UTP20: variants seen among roughly 807,000 people sequenced by gnomAD.
UTP20 encodes the protein small subunit processome component 20 homolog.
A neutral mutation model predicts 329.5 loss-of-function variants in UTP20; 164 were observed. The observed-to-expected ratio is 0.50, with a 90% CI of 0.44 to 0.57. UTP20 has a LOEUF of 0.57. UTP20 is among the 20% of genes least tolerant of loss of function. The pLI is 0.00. For synonymous variants in UTP20, 1,151 were observed against 1,159.3 expected, an observed-to-expected ratio of 0.99 and a Z score of 0.14; for missense variants, 3,055 against 3,284.2, an observed-to-expected ratio of 0.93 and a Z score of 1.71.
At chr12:101,308,810 G>C (rs1872705857) in intron 18 of UTP20, among the ~76,000 whole-genome samples, 1 of 150,792 alleles carries the variant, frequency 6.6e-6, no homozygotes, top group Admixed American at 6.6e-5. Flanking sequence ...TCTGCTCACT[G>C]CAAGCTCAGC....
At chr12:101,376,178 C>T (rs1367074674) in intron 56 of UTP20, among the ~76,000 whole-genome samples, 2 of 151,988 alleles carry the variant, frequency 1.3e-5, no homozygotes, top group African/African-American at 4.8e-5. Context: ...TGAGAGGTTG[C>T]TTAGTTCCAT....
intron 56 of UTP20, 34 bp from the exon 57 acceptor site, chr12:101,379,337 T>C (rs1870571279): frequency 6.4e-7 from 1 of 1,553,118 alleles, no homozygotes; most frequent in East Asian, 2.3e-5. Context: ...AGGAAGGCCA[T>C]GTGACATCCA....
rs1565803267 is a variant in UTP20, at chr12:101,356,917, A to G, written c.5535-9A>G. The stretch of plus-strand genomic sequence containing the variant: ...TTGATTAGTCATTTTTCAACTTCTC[A>G]TTTTCTAGTATTTTGCTGAAAGTGT... On this transcript the variant is annotated splice_polypyrimidine_tract_variant and intron_variant, in intron 42 of 61. Transcript: ENST00000261637. 6 of 1,599,492 alleles carry G rather than the reference A, an allele frequency of 3.8e-6. No homozygotes were observed. The highest frequency in any genetic ancestry group is 4.3e-6 in the Non-Finnish European group (5 of 1,174,598).
At chr12:101,327,902 C>T (rs1868621413) in intron 26 of UTP20, among the ~76,000 whole-genome samples, 1 of 152,194 alleles carries the variant, frequency 6.6e-6, no homozygotes, top group South Asian at 2.1e-4. Context: ...ATCCTTCAGA[C>T]AATCAACCAC....
chr12:101,306,771 CTGTT>C lies in UTP20; in HGVS notation c.1995+13_1995+16del. 19 of 1,596,314 alleles carry C rather than the reference CTGTT, an allele frequency of 1.2e-5. No individual in the cohort carries two copies. The highest frequency in any genetic ancestry group is 1.6e-5 in the Non-Finnish European group (19 of 1,170,942). On this transcript the variant is annotated intron_variant, in intron 17 of 61. Coordinates refer to ENST00000261637, the MANE Select transcript of UTP20 (RefSeq NM_014503.3). Reference sequence around the variant, plus strand: ...TCCAGAATCAATGGAGGTATTTTAACTGTTTGAGTGGATAGGTTTTAAAAAAATA... The same window carrying C: ...TCCAGAATCAATGGAGGTATTTTAACTGAGTGGATAGGTTTTAAAAAAATA...
intron 25 of UTP20, among the ~76,000 whole-genome samples, chr12:101,323,905 G>C (rs1868463635): frequency 6.6e-6 from 1 of 152,120 alleles, no homozygotes; most frequent in Admixed American, 6.5e-5. Flanking sequence ...TTGGGAGGCG[G>C]AGGTGGATGG....
intron 38 of UTP20, among the ~76,000 whole-genome samples, chr12:101,349,717 A>G (rs1274314530): frequency 6.6e-6 from 1 of 152,212 alleles, no homozygotes; most frequent in Non-Finnish European, 1.5e-5. Flanking sequence ...TTGGGATTAC[A>G]GGGTTGAGCC....
chr12:101,358,058 G>T (rs568017840), intron 43 of UTP20, among the ~76,000 whole-genome samples: 1 of 152,184 alleles, frequency 6.6e-6, no homozygotes, highest in Non-Finnish European at 1.5e-5. Context: ...TACAGTCGAC[G>T]TGATTAAGAC....
chr12:101,299,932 A>G lies in UTP20; in HGVS notation c.1587-41A>G, dbSNP rs369653880. On this transcript the variant is annotated intron_variant, in intron 13 of 61. Transcript: ENST00000261637. Reference sequence around the variant, plus strand: ...GCTGTTCTCTGAAACAAACCATTGAATGCCAGTTTGAACTTTTCCCTTTTT... The same window carrying G: ...GCTGTTCTCTGAAACAAACCATTGAGTGCCAGTTTGAACTTTTCCCTTTTT... 2.7e-5 allele frequency: 43 copies of G among 1,611,484 alleles called. No homozygotes were observed. In the African/African-American group the frequency reaches 4.8e-4, roughly 18 times the overall value.
At chr12:101,298,206 AG>A (rs1872419535) in intron 12 of UTP20, among the ~76,000 whole-genome samples, 1 of 152,170 alleles carries the variant, frequency 6.6e-6, no homozygotes. Flanking sequence ...ATAAGAAAAA[AG>A]TTCCTTCTTT....
intron 37 of UTP20, 117 bp from the exon 38 acceptor site, chr12:101,346,334 G>C: frequency 8.0e-7 from 1 of 1,252,510 alleles, no homozygotes; most frequent in South Asian, 1.7e-5. Context: ...ACAGGCATGA[G>C]CCACCGCACC....
At position 101,321,602 on chromosome 12, in the gene UTP20, G is replaced by T; in HGVS notation, c.3014G>T (p.Arg1005Leu). The change falls in exon 25 of 62, where the codon CGA (arginine) becomes CTA (leucine). Residue 1005 changes from arginine to leucine, a missense_variant. Arg to Leu is a moderately radical substitution (Grantham distance 102). Around this residue, in one of 3 missense-constraint regions of UTP20, gnomAD observed 2,445 missense variants for 2,575.5 expected, o/e 0.95. Transcript: ENST00000261637. ...AATGCTGTAGTGAAAACAGCCCACC[G>T]AGCAGATCTATTTCCTATTCTGATG... Reference protein sequence around the residue: ...EDNAVVKTAHRADLFPILMRI... With the variant: ...EDNAVVKTAHLADLFPILMRI... The T allele has an allele frequency of 1.2e-6, 2 of 1,613,454 alleles. No individual in the cohort carries two copies. Among genetic ancestry groups the T allele is most frequent in the South Asian group, 2.2e-5 (2 of 91,042 alleles).
intron 10 of UTP20, 137 bp from the exon 11 acceptor site, chr12:101,293,031 A>G: frequency 2.6e-6 from 2 of 762,264 alleles, no homozygotes; most frequent in Non-Finnish European, 4.3e-6. Context: ...CTGTGGAAGC[A>G]CCTTTGGAGA....
chr12:101,354,551 C>G (rs1391214703), intron 40 of UTP20, among the ~76,000 whole-genome samples: 4 of 152,142 alleles, frequency 2.6e-5, no homozygotes, highest in Non-Finnish European at 5.9e-5. Flanking sequence ...TTCCTGCCCC[C>G]CAAGCCTCCC....
intron 24 of UTP20, 23 bp from the exon 25 acceptor site, chr12:101,321,481 T>C: frequency 2.5e-6 from 4 of 1,610,828 alleles, no homozygotes; most frequent in Non-Finnish European, 3.4e-6. Context: ...AGTGGTGATT[T>C]GTGCTGTTCT....
chr12:101,380,764 T>C lies in UTP20; in HGVS notation c.7585-376T>C, dbSNP rs571919914. On this transcript the variant is annotated intron_variant, in intron 57 of 61. Coordinates refer to ENST00000261637, the MANE Select transcript of UTP20 (RefSeq NM_014503.3). ...CTGTAATCCCAGCTACTTGGGAGGC[T>C]AAGGCAGGAGAATTGCTTGACCCCA... Among the ~76,000 whole-genome samples, 5 of 148,870 alleles carry C rather than the reference T, an allele frequency of 3.4e-5. No homozygotes were observed. The Admixed American group carries it at 3.4e-4, about 10-fold the overall frequency.
chr12:101,314,302 G>A (rs1221204869), intron 21 of UTP20, among the ~76,000 whole-genome samples: 1 of 152,192 alleles, frequency 6.6e-6, no homozygotes, highest in East Asian at 1.9e-4. Flanking sequence ...TAGTCAGAGT[G>A]ACCCACATGA....
In UTP20 at chr12:101,370,415, A is replaced by G. The variant is rs1167960006; in HGVS notation, c.6556-17A>G. 4 of 1,608,772 alleles carry G rather than the reference A, an allele frequency of 2.5e-6. No homozygotes were observed. The East Asian group carries it at 8.9e-5, about 36-fold the overall frequency. ...GTGGGATGTGCTGGCTGTTAACATC[A>G]CTATTGTAACTTGCAGTGTGTGACC... is the stretch of plus-strand genomic sequence containing the variant. On this transcript the variant is annotated splice_polypyrimidine_tract_variant and intron_variant, in intron 49 of 61. Coordinates refer to ENST00000261637, the MANE Select transcript of UTP20 (RefSeq NM_014503.3).
chr12:101,354,581 C>T (rs1199588345), intron 40 of UTP20, among the ~76,000 whole-genome samples: 1 of 152,168 alleles, frequency 6.6e-6, no homozygotes, highest in East Asian at 1.9e-4. Context: ...CCCAATTACC[C>T]TGTACCTGCA....
Sources: allele counts gnomAD v4.1 joint callset (sites outside exome capture counted in the v4.1 genomes callset), GRCh38; gene constraint gnomAD v4.1.1; regional missense constraint gnomAD v4.1.1; transcripts MANE v1.5; gene names NCBI Gene and HGNC (gene_info 2026-07-23, HGNC 2026-07-21).